Variants in BEND7 observed in about 807,000 individuals in gnomAD.
BEND7 encodes BEN domain containing 7, also known as BEN domain-containing protein 7.
BEND7 carries 28 observed loss-of-function variants against 50.9 expected under a neutral mutation model. The ratio of observed to expected loss-of-function variants is 0.55; its 90% CI spans 0.41 to 0.75. The LOEUF (loss-of-function observed/expected upper bound fraction) is 0.75. BEND7 is among the 30% of genes least tolerant of loss of function. The probability of loss-of-function intolerance (pLI) is 0.00; values close to 1 mark genes in which losing one functional copy is unlikely to be tolerated. For missense variants in BEND7, 477 were observed against 491.3 expected, an observed-to-expected ratio of 0.97 and a Z score of 0.28; for synonymous variants, 170 against 183.9, an observed-to-expected ratio of 0.92 and a Z score of 0.61.
intron 6 of BEND7, among the ~76,000 whole-genome samples, chr10:13,456,672 C>T (rs1290802034): frequency 6.6e-6 from 1 of 152,158 alleles, no homozygotes; most frequent in Non-Finnish European, 1.5e-5. Context: ...AAATCTCTGC[C>T]ACTAGATTCT....
intron 2 of BEND7, among the ~76,000 whole-genome samples, chr10:13,523,891 G>A (rs2079250556): frequency 6.6e-6 from 1 of 152,140 alleles, no homozygotes; most frequent in Non-Finnish European, 1.5e-5. Flanking sequence ...GATGACCCAA[G>A]AATGAGCAAA....
intron 2 of BEND7, among the ~76,000 whole-genome samples, chr10:13,525,036 G>A (rs1163385358): frequency 6.6e-6 from 1 of 152,214 alleles, no homozygotes; most frequent in South Asian, 2.1e-4. Flanking sequence ...CTGAGCAGCA[G>A]TCCTGCTACC....
At chr10:13,508,931 TA>T (rs1287949765) in intron 2 of BEND7, among the ~76,000 whole-genome samples, 1 of 152,208 alleles carries the variant, frequency 6.6e-6, no homozygotes, top group East Asian at 1.9e-4. Flanking sequence ...GAGCACTTTG[TA>T]ATCATGGCTG....
intron 5 of BEND7, among the ~76,000 whole-genome samples, chr10:13,492,032 G>C (rs1479066493): frequency 6.6e-6 from 1 of 151,504 alleles, no homozygotes; most frequent in Admixed American, 6.6e-5. Flanking sequence ...TGGTTATCTC[G>C]GATGTCATCC....
chr10:13,505,252 A>C (rs1042388608), intron 2 of BEND7, among the ~76,000 whole-genome samples: 1 of 152,060 alleles, frequency 6.6e-6, no homozygotes, highest in Non-Finnish European at 1.5e-5. Flanking sequence ...CTGCCTGGTG[A>C]CCACCTCCCT....
At chr10:13,496,022 T>C (rs548904377) in intron 4 of BEND7, among the ~76,000 whole-genome samples, 1 of 152,318 alleles carries the variant, frequency 6.6e-6, no homozygotes, top group Admixed American at 6.5e-5. Context: ...AATGAAGACG[T>C]AGACTTCCAG....
At chr10:13,444,580 G>C (rs780330649) in intron 8 of BEND7, 2 of 152,192 alleles carry the variant, frequency 1.3e-5, no homozygotes, top group Non-Finnish European at 2.9e-5. Flanking sequence ...GCCCTTGGTC[G>C]ATCCTGTGGT....
At chr10:13,511,289 GTAAC>G (rs551122253) in intron 2 of BEND7, 25 of 152,160 alleles carry the variant, frequency 1.6e-4, no homozygotes, top group African/African-American at 2.4e-4. Context: ...ATCAATTGAG[GTAAC>G]TAACTAACTT....
rs768350581 is a variant in BEND7, at chr10:13,492,859, G to T, written c.589C>A (p.Gln197Lys). 2 of 1,599,852 alleles carry T rather than the reference G, an allele frequency of 1.3e-6. No homozygotes were observed. Among genetic ancestry groups the T allele is most frequent in the Admixed American group, 1.8e-5 (1 of 54,928 alleles). The stretch of plus-strand genomic sequence containing the variant: ...CATATAAGGGAAATTGGAGGTTGTT[G>T]TCTGTTTTGAGTTCCAACTGCGAAT... ...QIQAVGTQNR[Q>K]QPPISLICSQ... The change falls in exon 5 of 9, where the codon CAA becomes AAA. Residue 197 changes from glutamine (Q) to lysine (K), a missense_variant. Physicochemically the swap from Gln to Lys is moderately conservative, Grantham distance 53. Transcript: ENST00000466271.
At chr10:13,477,552 G>T (rs117173956) in intron 6 of BEND7, among the ~76,000 whole-genome samples, 2 of 152,150 alleles carry the variant, frequency 1.3e-5, no homozygotes, top group Non-Finnish European at 2.9e-5. Context: ...TCTGAAAATC[G>T]CTTCGTATTG....
At chr10:13,517,659 C>T (rs1359953324) in intron 2 of BEND7, among the ~76,000 whole-genome samples, 1 of 152,002 alleles carries the variant, frequency 6.6e-6, no homozygotes, top group African/African-American at 2.4e-5. Context: ...AGGCTGAGTA[C>T]CTTGAGCCCA....
chr10:13,525,942 T>C (rs2132795372), intron 2 of BEND7, among the ~76,000 whole-genome samples, 196 bp downstream of exon 2: 1 of 152,326 alleles, frequency 6.6e-6, no homozygotes, highest in South Asian at 2.1e-4. Context: ...CTAATAAACA[T>C]TTATGTCTGA....
chr10:13,509,563 G>A (rs371752879), intron 2 of BEND7, among the ~76,000 whole-genome samples: 2 of 152,216 alleles, frequency 1.3e-5, no homozygotes, highest in South Asian at 4.1e-4. Flanking sequence ...TAGAAATCAT[G>A]TGACAAGTGT....
intron 2 of BEND7, among the ~76,000 whole-genome samples, chr10:13,507,682 A>AC (rs1179502547): frequency 2.6e-5 from 4 of 152,220 alleles, no homozygotes; most frequent in African/African-American, 9.7e-5. Context: ...AGGTGAGGCC[A>AC]CAGATGATCT....
intron 5 of BEND7, among the ~76,000 whole-genome samples, chr10:13,481,334 T>C (rs959081072): frequency 6.6e-6 from 1 of 152,192 alleles, no homozygotes; most frequent in Non-Finnish European, 1.5e-5. Context: ...AATTCCAATA[T>C]TGAGCCTTGT....
Position 13,474,923 on chromosome 10 carries a change from G to A in BEND7, c.1063+5976C>T, listed in dbSNP as rs563767531. Among the ~76,000 whole-genome samples the A allele has an allele frequency of 1.4e-4, 21 of 152,360 alleles. No individual in the cohort carries two copies. In the East Asian group the frequency reaches 3.5e-3, roughly 25 times the overall value. On this transcript the variant is annotated intron_variant, in intron 6 of 8. Transcript: ENST00000466271. ...CTGCTGCTCCAAGGGGCATCTGAAA[G>A]CAATCAGAATCTCCTGTGGTTGTGT... is the stretch of plus-strand genomic sequence containing the variant.
intron 6 of BEND7, among the ~76,000 whole-genome samples, chr10:13,458,136 G>A (rs374221607): frequency 1.1e-4 from 17 of 152,208 alleles, no homozygotes; most frequent in African/African-American, 3.4e-4. Flanking sequence ...AATCTGATCC[G>A]TCCATGAATA....
intron 2 of BEND7, chr10:13,502,776 T>C (rs1198028189): frequency 8.1e-5 from 27 of 333,734 alleles, no homozygotes; most frequent in Non-Finnish European, 1.1e-4. Context: ...TAGCCTTCTC[T>C]GGCACAGGTT....
At chr10:13,509,786 A>G (rs1185144800) in intron 2 of BEND7, among the ~76,000 whole-genome samples, 1 of 152,190 alleles carries the variant, frequency 6.6e-6, no homozygotes, top group Admixed American at 6.5e-5. Context: ...AGTTAAGGCA[A>G]TGAATGGGGC....
Sources: allele counts gnomAD v4.1 joint callset (sites outside exome capture counted in the v4.1 genomes callset), GRCh38; gene constraint gnomAD v4.1.1; transcripts MANE v1.5; gene names NCBI Gene and HGNC (gene_info 2026-07-23, HGNC 2026-07-21).